The following DPP10 variants were observed in gnomAD, a reference collection of about 807,000 sequenced individuals.
DPP10 encodes dipeptidyl peptidase like 10.
Under a neutral mutation model 120.9 loss-of-function variants are expected in DPP10, and 33 were observed. That is an observed-to-expected ratio of 0.27 (90% CI 0.21 to 0.37). DPP10 has a LOEUF of 0.37. Among genes scored for constraint, DPP10 ranks in the 10% least tolerant of loss-of-function variants. DPP10 has a pLI of 1.00. For missense variants in DPP10, 816 were observed against 942.8 expected (o/e 0.87, Z 1.76); for synonymous variants, 337 against 326.1 (o/e 1.03, Z -0.36).
chr2:115,647,389 T>C (rs977895334), intron 5 of DPP10, among the ~76,000 whole-genome samples: 27 of 152,156 alleles, frequency 1.8e-4, no homozygotes, highest in African/African-American at 6.3e-4. Flanking sequence ...CATTAGCCTT[T>C]TTCAACAAAC....
intron 1 of DPP10, among the ~76,000 whole-genome samples, chr2:115,189,850 A>T (rs566092288): frequency 6.6e-6 from 1 of 152,194 alleles, no homozygotes; most frequent in East Asian, 1.9e-4. Flanking sequence ...CGAGGCTATG[A>T]TTCCTTTCCA....
intron 1 of DPP10, among the ~76,000 whole-genome samples, chr2:114,730,475 G>A (rs1457642906): frequency 6.6e-6 from 1 of 152,188 alleles, no homozygotes; most frequent in South Asian, 2.1e-4. Context: ...GTTCATTTTT[G>A]CCTGGCATGC....
intron 3 of DPP10, among the ~76,000 whole-genome samples, chr2:115,414,928 T>A (rs922853756): frequency 1.3e-5 from 2 of 152,276 alleles, no homozygotes; most frequent in Middle Eastern, 3.4e-3. Flanking sequence ...ATATCTCAAT[T>A]TCCACGGAGA....
intron 3 of DPP10, among the ~76,000 whole-genome samples, chr2:115,439,214 T>C (rs1006593485): frequency 5.0e-4 from 68 of 136,524 alleles, no homozygotes; most frequent in Admixed American, 4.2e-3. Flanking sequence ...GGGAGCACAG[T>C]GTGGAATAGT....
At chr2:115,703,183 C>A (rs1002968037) in intron 7 of DPP10, among the ~76,000 whole-genome samples, 3 of 151,790 alleles carry the variant, frequency 2.0e-5, no homozygotes, top group African/African-American at 7.3e-5. Context: ...ATTTTCCATT[C>A]TTTTCCTTAC....
intron 1 of DPP10, among the ~76,000 whole-genome samples, chr2:114,897,373 T>C (rs897164624): frequency 7.2e-5 from 11 of 152,132 alleles, no homozygotes; most frequent in African/African-American, 2.7e-4. Context: ...TCCTGGACGT[T>C]AGACTAAAAC....
chr2:115,417,913 A>G (rs2069576330), intron 3 of DPP10, among the ~76,000 whole-genome samples: 1 of 140,128 alleles, frequency 7.1e-6, no homozygotes, highest in South Asian at 2.4e-4. Context: ...GTAGATCATT[A>G]CCTCCAGAAT....
intron 3 of DPP10, among the ~76,000 whole-genome samples, chr2:115,431,278 A>T (rs2070952999): frequency 6.6e-6 from 1 of 152,182 alleles, no homozygotes; most frequent in Non-Finnish European, 1.5e-5. Flanking sequence ...GTCATGGAGA[A>T]ACAAGCAAGT....
At chr2:114,918,142 C>A (rs1694938352) in intron 1 of DPP10, among the ~76,000 whole-genome samples, 1 of 152,066 alleles carries the variant, frequency 6.6e-6, no homozygotes, top group South Asian at 2.1e-4. Flanking sequence ...GGGCAAAGGA[C>A]ATGAATAGAC....
intron 1 of DPP10, among the ~76,000 whole-genome samples, chr2:115,035,919 A>G (rs1257575723): frequency 6.6e-6 from 1 of 152,218 alleles, no homozygotes; most frequent in African/African-American, 2.4e-5. Flanking sequence ...TTGGATGATA[A>G]TGTTTTCTTA....
intron 1 of DPP10, among the ~76,000 whole-genome samples, chr2:114,730,242 T>A (rs938286640): frequency 2.0e-5 from 3 of 152,206 alleles, no homozygotes; most frequent in African/African-American, 4.8e-5. Context: ...TAGTCCAGAA[T>A]AATTCATGCC....
chr2:114,709,003 G>T (rs575113502), intron 1 of DPP10, among the ~76,000 whole-genome samples: 1 of 152,088 alleles, frequency 6.6e-6, no homozygotes, highest in Non-Finnish European at 1.5e-5. Context: ...GGACCCACCC[G>T]CCTCTGCCTC....
chr2:114,535,362 G>T (rs1306063342), intron 1 of DPP10, among the ~76,000 whole-genome samples: 1 of 152,156 alleles, frequency 6.6e-6, no homozygotes, highest in Admixed American at 6.5e-5. Context: ...CACTAAAAGT[G>T]CTGGGTAATA....
At chr2:115,600,381 G>A (rs2083250764) in intron 5 of DPP10, among the ~76,000 whole-genome samples, 1 of 152,064 alleles carries the variant, frequency 6.6e-6, no homozygotes, top group African/African-American at 2.4e-5. Flanking sequence ...CTTTCTCTCA[G>A]ATGAATAAGT....
chr2:115,251,348 C>A (rs905191009), intron 1 of DPP10, among the ~76,000 whole-genome samples: 1 of 152,062 alleles, frequency 6.6e-6, no homozygotes, highest in East Asian at 1.9e-4. Context: ...TTTGTGAGGC[C>A]CTATTTCTCC....
intron 3 of DPP10, among the ~76,000 whole-genome samples, chr2:115,376,573 T>C (rs991881583): frequency 2.6e-5 from 4 of 151,730 alleles, no homozygotes; most frequent in Non-Finnish European, 5.9e-5. Flanking sequence ...TATTATACTT[T>C]AAGTTTTAGG....
intron 1 of DPP10, chr2:115,066,898 G>A (rs1461600110): frequency 6.6e-6 from 1 of 152,018 alleles, no homozygotes; most frequent in Non-Finnish European, 1.5e-5. Flanking sequence ...CACCTCACAG[G>A]TTTACATATT....
chr2:115,795,194 ATTTTTG>A (rs1684405248), intron 19 of DPP10, among the ~76,000 whole-genome samples: 1 of 152,046 alleles, frequency 6.6e-6, no homozygotes, highest in African/African-American at 2.4e-5. Flanking sequence ...AAAAGAAGGG[ATTTTTG>A]TTTTTGTTTT....
At chr2:115,331,307 T>C (rs1433207736) in intron 2 of DPP10, among the ~76,000 whole-genome samples, 6 of 152,226 alleles carry the variant, frequency 3.9e-5, no homozygotes, top group African/African-American at 1.4e-4. Flanking sequence ...GCTTATCAGC[T>C]TAAGGAGATT....
Sources: gnomAD v4.1 joint callset for allele counts (sites outside exome capture counted in the v4.1 genomes callset) on GRCh38, gnomAD v4.1.1 for gene constraint, MANE v1.5 for transcripts, NCBI Gene and HGNC (gene_info 2026-07-23, HGNC 2026-07-21) for gene names.